The following TMEM132D variants were observed in gnomAD, a reference collection of about 807,000 sequenced individuals.
TMEM132D encodes transmembrane protein 132D, also known as mature OL transmembrane protein.
A neutral mutation model predicts 62.3 loss-of-function variants in TMEM132D; 21 were observed. The ratio of observed to expected loss-of-function variants is 0.34; its 90% CI spans 0.24 to 0.49. The LOEUF is 0.49. Ranked by LOEUF, TMEM132D falls within the 20% of genes least tolerant of loss-of-function variation. TMEM132D has a pLI of 0.99. For missense variants in TMEM132D, 1,346 were observed against 1,402.8 expected (o/e 0.96, Z 0.65); for synonymous variants, 621 against 575.6 (o/e 1.08, Z -1.13).
At chr12:129,810,566 ACACACACCCC>A (rs1343670754) in intron 1 of TMEM132D, among the ~76,000 whole-genome samples, 1 of 17,018 alleles carries the variant, frequency 5.9e-5, no homozygotes, top group Non-Finnish European at 1.2e-4. Flanking sequence ...ACACACACAC[ACACACACCCC>A]CCCACACTCT....
At chr12:129,120,086 A>C (rs146172916) in intron 5 of TMEM132D, among the ~76,000 whole-genome samples, 74 of 152,236 alleles carry the variant, frequency 4.9e-4, no homozygotes, top group African/African-American at 1.6e-3. Flanking sequence ...AGGAAGTTGG[A>C]GGGGCTTGAT....
chr12:129,155,474 CATT>C (rs1207497108), intron 5 of TMEM132D, among the ~76,000 whole-genome samples: 2 of 152,188 alleles, frequency 1.3e-5, no homozygotes, highest in East Asian at 1.9e-4. Flanking sequence ...TTCAGAGAGT[CATT>C]ATCATTCTTC....
At chr12:129,203,532 C>T (rs953030903) in intron 5 of TMEM132D, among the ~76,000 whole-genome samples, 1 of 152,184 alleles carries the variant, frequency 6.6e-6, no homozygotes, top group Non-Finnish European at 1.5e-5. Flanking sequence ...TGTTACCCAC[C>T]CCTGCCACTG....
At chr12:129,269,112 G>A (rs55811638) in intron 4 of TMEM132D, among the ~76,000 whole-genome samples, 14,009 of 151,668 alleles carry the variant, frequency 0.092, 817 homozygotes, top group Admixed American at 0.17. Context: ...TGGCACATGT[G>A]TACATATGTA....
chr12:129,591,403 T>C (rs1878186574), intron 2 of TMEM132D, among the ~76,000 whole-genome samples: 1 of 152,188 alleles, frequency 6.6e-6, no homozygotes, highest in African/African-American at 2.4e-5. Flanking sequence ...GGAAGAAGGC[T>C]TCAAGAAGAA....
At chr12:129,758,774 T>C (rs756807510) in intron 1 of TMEM132D, among the ~76,000 whole-genome samples, 22 of 152,192 alleles carry the variant, frequency 1.4e-4, no homozygotes, top group Non-Finnish European at 3.1e-4. Flanking sequence ...TGCTCATAGT[T>C]ATTGTTTTTG....
At chr12:129,262,739 T>C (rs1430102978) in intron 4 of TMEM132D, 1 of 152,214 alleles carries the variant, frequency 6.6e-6, no homozygotes, top group African/African-American at 2.4e-5. Flanking sequence ...ACACTGGGTC[T>C]TTATTGCTAC....
chr12:129,586,675 A>C (rs1233217243), intron 2 of TMEM132D, among the ~76,000 whole-genome samples: 2 of 152,112 alleles, frequency 1.3e-5, no homozygotes, highest in Non-Finnish European at 2.9e-5. Context: ...CCAAAGTCCC[A>C]CCTCCTAATA....
intron 5 of TMEM132D, among the ~76,000 whole-genome samples, chr12:129,181,573 C>T (rs1385602806): frequency 6.6e-6 from 1 of 152,220 alleles, no homozygotes; most frequent in African/African-American, 2.4e-5. Flanking sequence ...GATCCTTCCA[C>T]AGTGCTCCTG....
intron 4 of TMEM132D, among the ~76,000 whole-genome samples, chr12:129,318,332 G>C (rs7956360): frequency 6.6e-6 from 1 of 152,018 alleles, no homozygotes; most frequent in African/African-American, 2.4e-5. Flanking sequence ...GTCCCATGGG[G>C]TAGTCCCTTG....
intron 3 of TMEM132D, among the ~76,000 whole-genome samples, chr12:129,420,310 T>G (rs1209819646): frequency 7.5e-4 from 29 of 38,470 alleles, no homozygotes; most frequent in Non-Finnish European, 1.7e-3. Context: ...TTCTCTGTTT[T>G]TTTTTTTTTT....
intron 3 of TMEM132D, among the ~76,000 whole-genome samples, chr12:129,391,439 A>T (rs1397092955): frequency 6.6e-6 from 1 of 152,148 alleles, no homozygotes; most frequent in African/African-American, 2.4e-5. Context: ...AGTTTTTAGA[A>T]AGTAAAGAAA....
At chr12:129,897,741 A>G (rs1409794562) in intron 1 of TMEM132D, among the ~76,000 whole-genome samples, 1 of 152,200 alleles carries the variant, frequency 6.6e-6, no homozygotes, top group Non-Finnish European at 1.5e-5. Context: ...ACTAAATAAC[A>G]TGATGTTCAT....
intron 1 of TMEM132D, among the ~76,000 whole-genome samples, chr12:129,826,960 A>G (rs1202733123): frequency 6.6e-6 from 1 of 152,248 alleles, no homozygotes; most frequent in African/African-American, 2.4e-5. Flanking sequence ...GAAGCTGACT[A>G]AATAAGTCTT....
intron 4 of TMEM132D, among the ~76,000 whole-genome samples, chr12:129,263,024 G>A (rs142687944): frequency 1.2e-3 from 185 of 152,250 alleles, no homozygotes; most frequent in African/African-American, 4.1e-3. Flanking sequence ...AGAAAGTCGC[G>A]TCTGAGAACG....
At chr12:129,170,591 G>A (rs763819929) in intron 5 of TMEM132D, among the ~76,000 whole-genome samples, 20 of 152,096 alleles carry the variant, frequency 1.3e-4, no homozygotes, top group Non-Finnish European at 2.6e-4. Context: ...TTTGTGGGCC[G>A]AGGCAGGCAG....
At chr12:129,486,604 T>A (rs2137056980) in intron 3 of TMEM132D, among the ~76,000 whole-genome samples, 1 of 152,292 alleles carries the variant, frequency 6.6e-6, no homozygotes, top group Middle Eastern at 3.4e-3. Context: ...CTGTCCCCAC[T>A]CATTGTGTGT....
intron 3 of TMEM132D, among the ~76,000 whole-genome samples, chr12:129,510,244 T>A (rs1366121034): frequency 6.6e-6 from 1 of 152,186 alleles, no homozygotes; most frequent in Admixed American, 6.5e-5. Flanking sequence ...CGTTTTCATA[T>A]GCCATTTGTA....
At chr12:129,201,631 A>T (rs775441702) in intron 5 of TMEM132D, among the ~76,000 whole-genome samples, 11 of 152,218 alleles carry the variant, frequency 7.2e-5, no homozygotes, top group Non-Finnish European at 1.6e-4. Context: ...AATGTCCTAG[A>T]AGACAAATAC....
Sources: gnomAD v4.1 joint callset for allele counts (sites outside exome capture counted in the v4.1 genomes callset) on GRCh38, gnomAD v4.1.1 for gene constraint, MANE v1.5 for transcripts, NCBI Gene and HGNC (gene_info 2026-07-23, HGNC 2026-07-21) for gene names.